Variants in KREMEN1 observed in about 807,000 individuals in gnomAD.
KREMEN1 encodes kremen protein 1.
KREMEN1 carries 30 observed loss-of-function variants against 46.5 expected under a neutral mutation model. The observed-to-expected ratio is 0.65, with a 90% CI of 0.48 to 0.88. The LOEUF (loss-of-function observed/expected upper bound fraction) is 0.88, where lower values mean the gene tolerates loss of function less well. KREMEN1 is among the 40% of genes least tolerant of loss of function. The probability of loss-of-function intolerance (pLI) is 0.00; values close to 1 mark genes in which losing one functional copy is unlikely to be tolerated. For synonymous variants in KREMEN1, 214 were observed against 230.6 expected (o/e 0.93, Z 0.65); for missense variants, 533 against 596.9 (o/e 0.89, Z 1.11).
chr22:29,159,026 C>T (rs1048696978), intron 9 of KREMEN1, among the ~76,000 whole-genome samples: 3 of 151,948 alleles, frequency 2.0e-5, no homozygotes, highest in Non-Finnish European at 4.4e-5. Context: ...TCCATGTTGG[C>T]CAGAGCTGGT....
rs1482964949 is a variant in KREMEN1, at chr22:29,073,549, ATCT to A, written c.97+326_97+328del. 3.3e-5 allele frequency among the ~76,000 whole-genome samples: 5 copies of A among 150,992 alleles called. No individual in the cohort carries two copies. The highest frequency in any genetic ancestry group is 7.3e-5 in the African/African-American group (3 of 41,010). Reference sequence around the variant, plus strand: ...TCTGCGACGCCCCCCGGGCTGGGACATCTTCTCTGTCTCGGGATCTGGGACCCG... The same window carrying A: ...TCTGCGACGCCCCCCGGGCTGGGACATCTCTGTCTCGGGATCTGGGACCCG... On this transcript the variant is annotated intron_variant, in intron 1 of 8. Transcript: ENST00000400335. This position sits in a 1 kb window ranked among gnomAD's most constrained non-coding sequence, Gnocchi z 4.4.
chr22:29,141,882 T>G (rs2145853241), intron 8 of KREMEN1, 62 bp from the exon 9 acceptor site: 2,973 of 1,289,226 alleles, frequency 2.3e-3, no homozygotes, highest in Non-Finnish European at 2.9e-3. Flanking sequence ...CAGTATCTCG[T>G]GAGATGGTAG....
chr22:29,105,482 C>CAT (rs2038045514), intron 3 of KREMEN1, among the ~76,000 whole-genome samples: 1 of 118,644 alleles, frequency 8.4e-6, no homozygotes, highest in Non-Finnish European at 1.7e-5. Context: ...CACACATACA[C>CAT]ACACACACAC....
chr22:29,084,822 G>A (rs1206893292), intron 1 of KREMEN1, among the ~76,000 whole-genome samples: 2 of 152,126 alleles, frequency 1.3e-5, no homozygotes, highest in African/African-American at 2.4e-5. Flanking sequence ...GATTCAAATA[G>A]AAGACCTCAT....
At chr22:29,164,978 GC>G (rs1160722568) in intron 9 of KREMEN1, among the ~76,000 whole-genome samples, 1 of 151,872 alleles carries the variant, frequency 6.6e-6, no homozygotes, top group African/African-American at 2.4e-5. Flanking sequence ...TTCTAGACCA[GC>G]CTGGCCAATA....
chr22:29,094,626 CTT>C (rs134659), intron 2 of KREMEN1, among the ~76,000 whole-genome samples: 3 of 112,942 alleles, frequency 2.7e-5, no homozygotes. Context: ...ATTTACCACT[CTT>C]TTTTTTTTTT....
At chr22:29,101,016 C>T (rs538211938) in intron 3 of KREMEN1, among the ~76,000 whole-genome samples, 2 of 152,296 alleles carry the variant, frequency 1.3e-5, no homozygotes, top group East Asian at 3.9e-4. Context: ...CTTTGGGAGG[C>T]TGAAGCGGGC....
At chr22:29,141,225 T>G (rs1169968293) in intron 8 of KREMEN1, among the ~76,000 whole-genome samples, 1 of 80,478 alleles carries the variant, frequency 1.2e-5, no homozygotes, top group Non-Finnish European at 2.5e-5. Context: ...AATAATGTCC[T>G]CGTGTGTGTG....
At chr22:29,164,791 A>T (rs1288028478) in intron 9 of KREMEN1, among the ~76,000 whole-genome samples, 2 of 149,888 alleles carry the variant, frequency 1.3e-5, no homozygotes, top group Non-Finnish European at 3.0e-5. Context: ...AACTATGATT[A>T]TCCTGAGTTT....
intron 2 of KREMEN1, among the ~76,000 whole-genome samples, chr22:29,097,959 A>G (rs1569317302): frequency 6.6e-6 from 1 of 152,168 alleles, no homozygotes; most frequent in Non-Finnish European, 1.5e-5. Flanking sequence ...AGATGGGCAG[A>G]TCACTTGAGG....
Position 29,144,690 on chromosome 22 carries a change from C to T in KREMEN1, c.*2578C>T. The T allele has an allele frequency of 1.0e-6, 1 of 985,524 alleles. No homozygotes were observed. Among genetic ancestry groups the T allele is most frequent in the South Asian group, 4.7e-5 (1 of 21,300 alleles). The allele number at this position is 985,524 out of a possible 1,614,324, so 61.0% of individuals were successfully genotyped here. ...CATGTGCAGCACAAAGGGAATGTGG[C>T]ACGTGGCCCCAGGAAGAGTTCACCC... On this transcript the variant is annotated 3_prime_UTR_variant, in exon 9 of 9. Coordinates refer to ENST00000400335, the MANE Select transcript of KREMEN1 (RefSeq NM_001039570.3).
intron 1 of KREMEN1, among the ~76,000 whole-genome samples, chr22:29,087,834 G>C (rs1242798185): frequency 2.0e-5 from 3 of 151,994 alleles, no homozygotes; most frequent in African/African-American, 7.3e-5. Flanking sequence ...CAAAGTGCTG[G>C]GATTACAGGC....
In KREMEN1 at chr22:29,143,246, G is replaced by A; in HGVS notation, c.*1134G>A. The A allele has an allele frequency of 1.0e-6, 1 of 985,438 alleles. No individual in the cohort carries two copies. Among genetic ancestry groups the A allele is most frequent in the South Asian group, 4.7e-5 (1 of 21,284 alleles). 61.0% of individuals were successfully genotyped at this position (985,438 alleles called of 1,614,324 possible). A position where few individuals can be genotyped will look rare whatever the true frequency, so the allele number is the denominator to read the frequency against. ...TTTATGGGCACTCAGTAAGTACTCA[G>A]GATTGGCTTTATCAGCCTTGCCACT... is the stretch of plus-strand genomic sequence containing the variant. On this transcript the variant is annotated 3_prime_UTR_variant, in exon 9 of 9. Coordinates refer to ENST00000400335, the MANE Select transcript of KREMEN1 (RefSeq NM_001039570.3).
At chr22:29,107,500 A>G (rs2038080871) in intron 3 of KREMEN1, among the ~76,000 whole-genome samples, 1 of 152,196 alleles carries the variant, frequency 6.6e-6, no homozygotes, top group African/African-American at 2.4e-5. Flanking sequence ...GATTACAGGC[A>G]TGAGCCACCA....
intron 3 of KREMEN1, among the ~76,000 whole-genome samples, chr22:29,114,610 A>T (rs2038208000): frequency 6.6e-6 from 1 of 152,146 alleles, no homozygotes; most frequent in Admixed American, 6.5e-5. Flanking sequence ...CAGGAACTGA[A>T]ACTGCCAGTA....
intron 5 of KREMEN1, 117 bp from the exon 6 acceptor site, chr22:29,137,225 G>C: frequency 1.5e-6 from 1 of 662,290 alleles, no homozygotes. Flanking sequence ...TTTACAGATA[G>C]AAACAATGTC....
At chr22:29,165,201 G>A (rs1174818647) in intron 9 of KREMEN1, among the ~76,000 whole-genome samples, 3 of 151,826 alleles carry the variant, frequency 2.0e-5, no homozygotes, top group African/African-American at 4.8e-5. Context: ...ATAAAGGCCA[G>A]GAGTTCAAGA....
Position 29,145,135 on chromosome 22 carries a change from C to T in KREMEN1, c.*3023C>T. On this transcript the variant is annotated 3_prime_UTR_variant, in exon 9 of 9. Coordinates refer to ENST00000400335, the MANE Select transcript of KREMEN1 (RefSeq NM_001039570.3). ...AAGTCAGCGACACCCCACAGAAGGCCACTGCGGCTAGGTAAACACCTGAGA... is the reference window on the plus strand; with the variant it reads ...AAGTCAGCGACACCCCACAGAAGGCTACTGCGGCTAGGTAAACACCTGAGA... The T allele has an allele frequency of 3.0e-6, 3 of 986,200 alleles. No homozygotes were observed. The highest frequency in any genetic ancestry group is 3.6e-6 in the Non-Finnish European group (3 of 830,254). 61.1% of individuals were successfully genotyped at this position (986,200 alleles called of 1,614,324 possible).
At chr22:29,147,872 A>G (rs1232984078), downstream of KREMEN1, among the ~76,000 whole-genome samples, 1 of 152,240 alleles carries the variant, frequency 6.6e-6, no homozygotes, top group Non-Finnish European at 1.5e-5. Context: ...GGGGTGAGTA[A>G]CACGGCCCTG....
Sources: allele counts gnomAD v4.1 joint callset (sites outside exome capture counted in the v4.1 genomes callset), GRCh38; gene constraint gnomAD v4.1.1; non-coding constraint Gnocchi (gnomAD v3.1); transcripts MANE v1.5; gene names NCBI Gene and HGNC (gene_info 2026-07-23, HGNC 2026-07-21).